Variants in RGS3 observed in about 807,000 individuals in gnomAD.
The protein encoded by RGS3 is regulator of G-protein signalling 3.
In RGS3, 80 loss-of-function variants were observed where a neutral mutation model predicts 132.6. The ratio of observed to expected loss-of-function variants is 0.60; its 90% CI spans 0.50 to 0.73. RGS3 has a LOEUF of 0.73. Among genes scored for constraint, RGS3 ranks in the 30% least tolerant of loss-of-function variants. RGS3 has a pLI of 0.00. For missense variants in RGS3, 1,382 were observed against 1,530.8 expected, an observed-to-expected ratio of 0.90 and a Z score of 1.62; for synonymous variants, 598 against 620.6, an observed-to-expected ratio of 0.96 and a Z score of 0.54.
At chr9:113,553,101 G>A (rs989390349) in intron 19 of RGS3, among the ~76,000 whole-genome samples, 2 of 151,712 alleles carry the variant, frequency 1.3e-5, no homozygotes, top group Admixed American at 6.6e-5. Flanking sequence ...GCTATGTTTT[G>A]TTTTACTAAA....
At chr9:113,593,896 C>T (rs773822156) in intron 21 of RGS3, 4 of 1,580,296 alleles carry the variant, frequency 2.5e-6, no homozygotes, top group Non-Finnish European at 3.4e-6. Flanking sequence ...GTCCCCCACC[C>T]CCCACCACTG....
rs996604734 is a variant in RGS3 at position 113,516,995 on chromosome 9, A to G, written c.1675-546A>G. Among the ~76,000 whole-genome samples, 11 of 152,304 alleles carry G rather than the reference A, an allele frequency of 7.2e-5. No homozygotes were observed. In the East Asian group the frequency reaches 2.1e-3, roughly 29 times the overall value. On this transcript the variant is annotated intron_variant, in intron 15 of 24. Coordinates refer to ENST00000350696, the Ensembl canonical transcript of RGS3. ...CCTCTGGGCTGGGCTGGGCAAGGTG[A>G]GGGAGTAGGGTGAGAGGTTTGGGTG... is the stretch of plus-strand genomic sequence containing the variant.
rs762683860 is a variant in RGS3 at position 113,512,571 on chromosome 9, C to T, written c.1478-1887C>T. Among the ~76,000 whole-genome samples, 27 of 152,116 alleles carry T rather than the reference C, an allele frequency of 1.8e-4. 1 individual carries two copies. Among genetic ancestry groups the T allele is most frequent in the Non-Finnish European group, 2.6e-4 (18 of 68,016 alleles). ...TGGGAGGAGGAAGCAAGTGTGAAAC[C>T]TTCTGAGGTGAGTTTTATCTCCGAG... On this transcript the variant is annotated intron_variant, in intron 14 of 24. Coordinates refer to ENST00000350696, the Ensembl canonical transcript of RGS3.
At chr9:113,464,691 G>A (rs762904481) in intron 3 of RGS3, among the ~76,000 whole-genome samples, 25 of 152,180 alleles carry the variant, frequency 1.6e-4, no homozygotes, top group Non-Finnish European at 2.4e-4. Context: ...GGCAGAGTTC[G>A]TAGCTGAGCT....
chr9:113,452,995 TA>T (rs1237388030), intron 1 of RGS3, among the ~76,000 whole-genome samples: 4 of 130,166 alleles, frequency 3.1e-5, no homozygotes, highest in East Asian at 2.0e-4. Context: ...ATATAATATA[TA>T]AATATAAATA....
chr9:113,461,777 A>G, exon 2 of RGS3: 3 of 1,614,104 alleles, frequency 1.9e-6, no homozygotes, highest in Non-Finnish European at 2.5e-6. Context: ...TTGTACCTGC[A>G]GGTTGCTCAC....
exon 15 of RGS3, chr9:113,514,497 T>A (rs1232968282): frequency 1.5e-5 from 25 of 1,614,150 alleles, no homozygotes; most frequent in Non-Finnish European, 1.9e-5. Context: ...TACACAGGCC[T>A]GGGGAAGAAG....
intron 20 of RGS3, 55 bp downstream of exon 18, chr9:113,584,482 C>T (rs1473047235): frequency 6.8e-6 from 10 of 1,471,674 alleles, no homozygotes; most frequent in African/African-American, 1.4e-5. Context: ...GGAGGGCTGG[C>T]CCAGGGGCTG....
chr9:113,514,022 G>A (rs1831525771), intron 14 of RGS3, among the ~76,000 whole-genome samples: 1 of 152,204 alleles, frequency 6.6e-6, no homozygotes, highest in Admixed American at 6.5e-5. Context: ...CACACAGGCT[G>A]GTCACCACTC....
chr9:113,503,636 G>A (rs1311941963), intron 10 of RGS3, among the ~76,000 whole-genome samples: 1 of 152,208 alleles, frequency 6.6e-6, no homozygotes, highest in African/African-American at 2.4e-5. Flanking sequence ...CCCATAACTG[G>A]CCATCCAGAG....
chr9:113,549,543 A>G (rs959834147), intron 19 of RGS3, among the ~76,000 whole-genome samples: 6 of 152,224 alleles, frequency 3.9e-5, no homozygotes, highest in African/African-American at 1.4e-4. Context: ...TTTAATACAG[A>G]TGAACCAGGA....
At chr9:113,578,787 G>A (rs1834652044) in intron 19 of RGS3, among the ~76,000 whole-genome samples, 1 of 152,194 alleles carries the variant, frequency 6.6e-6, no homozygotes, top group East Asian at 1.9e-4. Flanking sequence ...GGCAGGGCAG[G>A]AATTCTAACA....
intron 10 of RGS3, chr9:113,503,299 T>TACTCATTCCCCTAGGGGCTGCA (rs1830984615): frequency 6.6e-6 from 1 of 152,610 alleles, no homozygotes; most frequent in Admixed American, 6.5e-5. Flanking sequence ...AAAATGGGCA[T>TACTCATTCCCCTAGGGGCTGCA]ACTCATTCCC....
chr9:113,541,956 C>A, intron 19 of RGS3: 1 of 750,876 alleles, frequency 1.3e-6, no homozygotes, highest in Non-Finnish European at 1.6e-6. Flanking sequence ...CGGATATGGT[C>A]TCGCTCTCAT....
intron 1 of RGS3, among the ~76,000 whole-genome samples, chr9:113,452,715 C>T (rs951234468): frequency 1.3e-4 from 20 of 150,610 alleles, no homozygotes; most frequent in Non-Finnish European, 3.0e-5. Context: ...ACTGATGATC[C>T]ATTTATTCAT....
At chr9:113,489,902 G>A (rs1830454942) in intron 7 of RGS3, among the ~76,000 whole-genome samples, 1 of 152,176 alleles carries the variant, frequency 6.6e-6, no homozygotes. Flanking sequence ...GAGATAACAG[G>A]AAAGCATCTG....
At chr9:113,471,128 G>A (rs1035645989) in intron 3 of RGS3, among the ~76,000 whole-genome samples, 1 of 152,150 alleles carries the variant, frequency 6.6e-6, no homozygotes, top group African/African-American at 2.4e-5. Flanking sequence ...TGTTGGGACT[G>A]AGAGTACTTG....
At chr9:113,497,316 G>T (rs765116572) in exon 9 of RGS3, 1 of 1,612,178 alleles carries the variant, frequency 6.2e-7, no homozygotes, top group Admixed American at 1.7e-5. Context: ...CGTGACAGGA[G>T]ATCAGTGGTT....
chr9:113,526,058 T>A (rs572899405), intron 17 of RGS3, among the ~76,000 whole-genome samples: 2 of 152,208 alleles, frequency 1.3e-5, no homozygotes, highest in African/African-American at 4.8e-5. Flanking sequence ...CCGGGGCCCA[T>A]TGTGGTCTCT....
Sources: allele counts gnomAD v4.1 joint callset (sites outside exome capture counted in the v4.1 genomes callset), GRCh38; gene constraint gnomAD v4.1.1; transcripts MANE v1.5; gene names NCBI Gene and HGNC (gene_info 2026-07-23, HGNC 2026-07-21).